ZBTB7C: variants seen among roughly 807,000 people sequenced by gnomAD.
ZBTB7C encodes zinc finger and BTB domain-containing protein 7C.
A neutral mutation model predicts 25.7 loss-of-function variants in ZBTB7C; 8 were observed. The observed-to-expected ratio is 0.31, with a 90% CI of 0.18 to 0.56. The LOEUF is 0.56. Among genes scored for constraint, ZBTB7C ranks in the 20% least tolerant of loss-of-function variants. The pLI is 0.91. For synonymous variants in ZBTB7C, 394 were observed against 369.0 expected (o/e 1.07, Z -0.78); for missense variants, 824 against 855.2 (o/e 0.96, Z 0.46).
At chr18:48,136,971 T>G in intron 3 of ZBTB7C, 1 of 911,766 alleles carries the variant, frequency 1.1e-6, no homozygotes, top group Non-Finnish European at 1.3e-6. Context: ...GCCCCGATCC[T>G]AGCCCAGAGG....
chr18:48,211,953 G>A (rs760476485), intron 2 of ZBTB7C, among the ~76,000 whole-genome samples: 22 of 152,222 alleles, frequency 1.4e-4, no homozygotes, highest in Admixed American at 7.2e-4. Context: ...GTCCTTCAGC[G>A]GGTGAATGGA....
At position 48,208,149 on chromosome 18, in the gene ZBTB7C, G is replaced by A. The variant is rs188537579; in HGVS notation, c.-78-22154C>T. 1.2e-4 allele frequency among the ~76,000 whole-genome samples: 19 copies of A among 152,178 alleles called. No homozygotes were observed. In the East Asian group the frequency reaches 3.7e-3, roughly 29 times the overall value. ...AGCTGGCCTTGGTGGCCTTTCTTGT[G>A]CCCAAGAGCCTTGGGGAACAGAGCA... On this transcript the variant is annotated intron_variant, in intron 2 of 4. Transcript: ENST00000590800.
intron 3 of ZBTB7C, among the ~76,000 whole-genome samples, chr18:48,136,826 C>G (rs2040181997): frequency 6.6e-6 from 1 of 152,294 alleles, no homozygotes; most frequent in Non-Finnish European, 1.5e-5. Context: ...CCGCGCCAGC[C>G]AGAGCCGCCC....
intron 1 of ZBTB7C, among the ~76,000 whole-genome samples, chr18:48,397,578 T>C (rs2048059240): frequency 6.6e-6 from 1 of 152,224 alleles, no homozygotes; most frequent in Admixed American, 6.5e-5. Flanking sequence ...GCTGTGAGAA[T>C]GAGCGGCTAT....
At position 48,029,464 on chromosome 18, in the gene ZBTB7C, C is replaced by T. The variant is rs1170358368; in HGVS notation, c.1656G>A (p.Glu552=). 6.3e-7 allele frequency: 1 copy of T among 1,597,346 alleles called. No individual in the cohort carries two copies. The highest frequency in any genetic ancestry group is 8.5e-7 in the Non-Finnish European group (1 of 1,175,502). ...GCCCGAACAGCTTCATCTGTGTCTC[C>T]TCGAACTGCCGCTCCAGCTCTTGCA... ...LSLQELERQF[E]ETQMKLFGRA... The change falls in exon 5 of 5, where the codon GAG becomes GAA. Residue 552 remains glutamate, a synonymous_variant. Coordinates refer to ENST00000590800, the MANE Select transcript of ZBTB7C (RefSeq NM_001318841.2).
At chr18:48,212,731 G>A (rs1280796211) in intron 2 of ZBTB7C, among the ~76,000 whole-genome samples, 1 of 152,146 alleles carries the variant, frequency 6.6e-6, no homozygotes, top group Non-Finnish European at 1.5e-5. Flanking sequence ...TCATAGCTGA[G>A]TGGCTGGTAT....
intron 1 of ZBTB7C, among the ~76,000 whole-genome samples, chr18:48,359,501 G>A: frequency 6.6e-6 from 1 of 152,288 alleles, no homozygotes; most frequent in African/African-American, 2.4e-5. Flanking sequence ...CCATGACAGT[G>A]AGACAGACAG....
In ZBTB7C at chr18:48,101,375, G is replaced by A. The variant is rs566630047; in HGVS notation, c.-16-60252C>T. The stretch of plus-strand genomic sequence containing the variant: ...CACACTTAATAGTCAAAGTAAACAG[G>A]TGGATTTAAACAACCTATATGTTTA... On this transcript the variant is annotated intron_variant, in intron 3 of 4. Transcript: ENST00000590800. 3.3e-5 allele frequency among the ~76,000 whole-genome samples: 5 copies of A among 152,280 alleles called. No homozygotes were observed. The East Asian group carries it at 9.6e-4, about 29-fold the overall frequency.
intron 2 of ZBTB7C, among the ~76,000 whole-genome samples, chr18:48,244,937 C>T (rs1235013174): frequency 6.6e-6 from 1 of 151,864 alleles, no homozygotes; most frequent in African/African-American, 2.4e-5. Flanking sequence ...AGCAATCCCG[C>T]TACTGAGTAT....
At chr18:48,150,632 G>A (rs2144887246) in intron 3 of ZBTB7C, 1 of 151,834 alleles carries the variant, frequency 6.6e-6, no homozygotes, top group East Asian at 1.9e-4. Flanking sequence ...CAAGGCAGAA[G>A]GTAGGACCTG....
At chr18:48,271,601 C>G (rs1568343572) in intron 2 of ZBTB7C, among the ~76,000 whole-genome samples, 1 of 147,648 alleles carries the variant, frequency 6.8e-6, no homozygotes, top group African/African-American at 2.5e-5. Flanking sequence ...ATATATGTAT[C>G]AAATAAATAT....
intron 3 of ZBTB7C, chr18:48,083,846 C>T: frequency 1.0e-6 from 1 of 985,414 alleles, no homozygotes; most frequent in Non-Finnish European, 1.2e-6. Context: ...ATATTAGGAA[C>T]TTACTTTCCC....
intron 3 of ZBTB7C, among the ~76,000 whole-genome samples, chr18:48,082,308 A>G (rs1372797461): frequency 2.0e-5 from 3 of 152,216 alleles, no homozygotes; most frequent in East Asian, 1.9e-4. Context: ...CTCTGCAGGT[A>G]AGAATACAGG....
chr18:48,103,925 G>T (rs929587256), intron 3 of ZBTB7C, among the ~76,000 whole-genome samples: 1 of 152,174 alleles, frequency 6.6e-6, no homozygotes, highest in Non-Finnish European at 1.5e-5. Flanking sequence ...CGTTGCCAGG[G>T]GTCGAGGGTG....
intron 3 of ZBTB7C, chr18:48,165,019 C>T: frequency 1.7e-6 from 2 of 1,196,012 alleles, no homozygotes; most frequent in Non-Finnish European, 2.1e-6. Context: ...AATCTTAAGC[C>T]AAAACAATTC....
At chr18:48,407,401 A>C (rs1245198295) in intron 1 of ZBTB7C, among the ~76,000 whole-genome samples, 1 of 152,240 alleles carries the variant, frequency 6.6e-6, no homozygotes, top group Non-Finnish European at 1.5e-5. Flanking sequence ...TTGCAGTGAC[A>C]GTCCTGGTTT....
At chr18:48,329,438 A>T (rs1303070148) in intron 2 of ZBTB7C, among the ~76,000 whole-genome samples, 1 of 152,170 alleles carries the variant, frequency 6.6e-6, no homozygotes, top group Non-Finnish European at 1.5e-5. Flanking sequence ...CCCATGCCAC[A>T]CTCTGCTGAG....
At chr18:48,292,633 GAGA>G (rs1162981477) in intron 2 of ZBTB7C, among the ~76,000 whole-genome samples, 6 of 152,188 alleles carry the variant, frequency 3.9e-5, no homozygotes, top group Admixed American at 1.3e-4. Flanking sequence ...ACCTGGGGTG[GAGA>G]AGGAGGCAGA....
intron 1 of ZBTB7C, among the ~76,000 whole-genome samples, chr18:48,367,031 C>T (rs1287096455): frequency 1.3e-5 from 2 of 151,432 alleles, no homozygotes; most frequent in African/African-American, 4.9e-5. Flanking sequence ...CTGCTCTATT[C>T]CTTTTGTACT....
Sources: allele counts gnomAD v4.1 joint callset (sites outside exome capture counted in the v4.1 genomes callset), GRCh38; gene constraint gnomAD v4.1.1; transcripts MANE v1.5; gene names NCBI Gene and HGNC (gene_info 2026-07-23, HGNC 2026-07-21).